The following DNAH10 variants were observed in gnomAD, a reference collection of about 807,000 sequenced individuals.
DNAH10 encodes dynein axonemal heavy chain 10.
In DNAH10, 348 loss-of-function variants were observed where a neutral mutation model predicts 506.6. That is an observed-to-expected ratio of 0.69 (90% CI 0.63 to 0.75). The LOEUF (loss-of-function observed/expected upper bound fraction) is 0.75, where lower values mean the gene tolerates loss of function less well. Among genes scored for constraint, DNAH10 ranks in the 30% least tolerant of loss-of-function variants. The pLI, the probability that DNAH10 is intolerant of heterozygous loss-of-function variation, is 0.00. For missense variants in DNAH10, 5,179 were observed against 5,787.1 expected (o/e 0.89, Z 3.41); for synonymous variants, 2,059 against 2,198.6 (o/e 0.94, Z 1.78).
Position 123,866,147 on chromosome 12 carries a change from T to C in DNAH10, c.7167+74T>C, listed in dbSNP as rs1226051420. ...AGTTGGATAACATAGTCCAGAGGGA[T>C]GTTTGTAGTTGAAGGCGATGACTTT... On this transcript the variant is annotated intron_variant, in intron 41 of 78. Coordinates refer to ENST00000673944, the MANE Select transcript of DNAH10 (RefSeq NM_001372106.1). The C allele has an allele frequency of 8.8e-6, 12 of 1,358,208 alleles. No individual in the cohort carries two copies. In the East Asian group the frequency reaches 3.1e-4, roughly 35 times the overall value. 84.1% of individuals were successfully genotyped at this position (1,358,208 alleles called of 1,614,324 possible). A position where few individuals can be genotyped will look rare whatever the true frequency, so the allele number is the denominator to read the frequency against.
chr12:123,828,669 ACTT>A (rs572004900), intron 25 of DNAH10, among the ~76,000 whole-genome samples: 58 of 152,118 alleles, frequency 3.8e-4, no homozygotes, highest in African/African-American at 1.4e-3. Context: ...TACCCAAGAG[ACTT>A]CCTCCTCTCC....
intron 23 of DNAH10, among the ~76,000 whole-genome samples, chr12:123,819,765 C>T (rs1338976274): frequency 7.2e-6 from 1 of 138,922 alleles, no homozygotes; most frequent in Non-Finnish European, 1.5e-5. Context: ...AGTGCAGTGG[C>T]ACAATCTCAG....
rs780499522 is a variant in DNAH10, at chr12:123,931,942, C to T, written c.13130C>T (p.Ala4377Val). 1 of 1,613,976 alleles carries T rather than the reference C, an allele frequency of 6.2e-7. No individual in the cohort carries two copies. The highest frequency in any genetic ancestry group is 8.5e-7 in the Non-Finnish European group (1 of 1,179,876). Residue 4377 changes from alanine to valine, a missense_variant and splice_region_variant, in exon 76 of 79, where the codon GCC becomes GTC. Coordinates refer to ENST00000673944, the MANE Select transcript of DNAH10 (RefSeq NM_001372106.1). ...CCGATTGCTCTTGATTCTAAATAGG[C>T]CTTGGCTGGAGAAGTTGGAATGAGC... ...MTKSLAELQR[A>V]LAGEVGMSNE...
intron 75 of DNAH10, 46 bp from the exon 76 acceptor site, chr12:123,931,895 T>C (rs905020393): frequency 5.6e-6 from 9 of 1,612,738 alleles, no homozygotes; most frequent in Non-Finnish European, 7.6e-6. Context: ...ACGTGGCACC[T>C]GGGGTTCTGA....
intron 62 of DNAH10, among the ~76,000 whole-genome samples, chr12:123,915,446 A>G (rs978182677): frequency 1.3e-5 from 2 of 152,158 alleles, no homozygotes; most frequent in Admixed American, 6.5e-5. Context: ...TTGTATACCA[A>G]TCACCAGAGT....
chr12:123,849,013 G>GT (rs1281847964), intron 34 of DNAH10, 131 bp downstream of exon 34: 2 of 1,176,316 alleles, frequency 1.7e-6, no homozygotes, highest in Non-Finnish European at 2.4e-6. Flanking sequence ...AGATCTGTTG[G>GT]TTTTTCCAAT....
rs143052054 is a variant in DNAH10 at position 123,804,876 on chromosome 12, C to A, written c.2823C>A (p.Ser941Arg). 1.3e-4 allele frequency: 202 copies of A among 1,613,014 alleles called. 1 individual carries two copies. In the African/African-American group the frequency reaches 2.6e-3, roughly 20 times the overall value. The change falls in exon 18 of 79, where the codon AGC (serine) becomes AGA (arginine). Residue 941 changes from serine to arginine, a missense_variant. Ser to Arg is a moderately radical substitution (Grantham distance 110). Coordinates refer to ENST00000673944, the MANE Select transcript of DNAH10 (RefSeq NM_001372106.1). ...FFEHIERERA[S>R]DVDHMVRWYL... ...AACACATTGAGCGAGAAAGGGCCAG[C>A]GACGTGGACCACATGGTCCGGTGGT...
At chr12:123,862,007 T>A (rs149282672) in intron 39 of DNAH10, among the ~76,000 whole-genome samples, 2 of 152,342 alleles carry the variant, frequency 1.3e-5, no homozygotes, top group South Asian at 4.2e-4. Flanking sequence ...GCCAACCGTT[T>A]TAGAGAATGG....
At chr12:123,817,099 CT>C (rs755698934) in intron 21 of DNAH10, among the ~76,000 whole-genome samples, 2,146 of 87,042 alleles carry the variant, frequency 0.025, 31 homozygotes, top group African/African-American at 0.077. Flanking sequence ...TCCAGTCTAA[CT>C]TTTTTTTTTT....
intron 32 of DNAH10, 125 bp from the exon 33 acceptor site, chr12:123,847,836 A>G: frequency 3.0e-6 from 4 of 1,312,378 alleles, no homozygotes; most frequent in Non-Finnish European, 4.1e-6. Flanking sequence ...TCAAGTTGAC[A>G]CATGAAAGCA....
intron 4 of DNAH10, 76 bp downstream of exon 4, chr12:123,773,018 G>C: frequency 2.0e-6 from 2 of 1,010,780 alleles, no homozygotes; most frequent in South Asian, 3.1e-5. Context: ...CTCTCATTCT[G>C]TTGTCTTTTT....
At chr12:123,860,943 G>A (rs1350102250) in intron 38 of DNAH10, 69 bp from the exon 39 acceptor site, 1 of 1,605,232 alleles carries the variant, frequency 6.2e-7, no homozygotes, top group Non-Finnish European at 8.5e-7. Flanking sequence ...TCCTCATAGA[G>A]GGAACCCAGA....
chr12:123,881,733 G>C lies in DNAH10; in HGVS notation c.8743G>C (p.Gly2915Arg). ...GCACCGTATCATCCGCATGGACCGC[G>C]GCCACGCCCTGCTGGTCGGGGTAGG... Reference protein sequence around the residue: ...RVHRIIRMDRGHALLVGVGGS... With the variant: ...RVHRIIRMDRRHALLVGVGGS... Residue 2915 changes from glycine (G) to arginine (R), a missense_variant, in exon 51 of 79, where the codon GGC (glycine) becomes CGC (arginine). Transcript: ENST00000673944. 1 of 1,547,874 alleles carries C rather than the reference G, an allele frequency of 6.5e-7. No homozygotes were observed. The highest frequency in any genetic ancestry group is 8.7e-7 in the Non-Finnish European group (1 of 1,145,506).
In DNAH10 at chr12:123,787,771, C is replaced by T; in HGVS notation, c.1422-33C>T. 1.9e-6 allele frequency: 3 copies of T among 1,602,276 alleles called. No homozygotes were observed. The highest frequency in any genetic ancestry group is 1.1e-5 in the South Asian group (1 of 89,052). On this transcript the variant is annotated intron_variant, in intron 9 of 78. Transcript: ENST00000673944. The surrounding 1 kb of genome is among the most constrained non-coding windows in gnomAD (Gnocchi z 4.6). ...TGCGGCTCGGACCCGGAGCTCCGCC[C>T]TCCTCCCATCACGGCATCTCTTGGC...
At chr12:123,793,483 C>T (rs111701161) in intron 11 of DNAH10, among the ~76,000 whole-genome samples, 9,449 of 151,960 alleles carry the variant, frequency 0.062, 325 homozygotes, top group Middle Eastern at 0.068. Flanking sequence ...GGACTACAGG[C>T]GCCCACCACC....
Position 123,875,322 on chromosome 12 carries a change from G to A in DNAH10, c.8030G>A (p.Cys2677Tyr). ...YLYDRGKELN[C>Y]KSIRDLGFIA... ...TATGACCGTGGGAAGGAGCTGAACT[G>A]TAAAAGCATTCGAGACCTTGGCTTT... is the stretch of plus-strand genomic sequence containing the variant. Residue 2677 changes from cysteine (C) to tyrosine (Y), a missense_variant, in exon 47 of 79, where the codon TGT (cysteine) becomes TAT (tyrosine). Around this residue, in one of 3 missense-constraint regions of DNAH10, gnomAD observed 4,844 missense variants for 5,430.5 expected, o/e 0.89. Coordinates refer to ENST00000673944, the MANE Select transcript of DNAH10 (RefSeq NM_001372106.1). The A allele has an allele frequency of 6.2e-7, 1 of 1,613,828 alleles. No homozygotes were observed.
At chr12:123,800,163 C>A in intron 14 of DNAH10, 53 bp from the exon 15 acceptor site, 2 of 1,570,242 alleles carry the variant, frequency 1.3e-6, no homozygotes, top group South Asian at 1.2e-5. Context: ...TTGTGTTGAT[C>A]CAACTGTCTC....
In DNAH10 at chr12:123,908,405, G is replaced by A. The variant is rs572487630; in HGVS notation, c.9816-856G>A. 166 of 456,000 alleles carry A rather than the reference G, an allele frequency of 3.6e-4. 1 individual carries two copies. Among genetic ancestry groups the A allele is most frequent in the South Asian group, 2.1e-3 (137 of 64,546 alleles). The allele number at this position is 456,000 out of a possible 1,614,324, so 28.2% of individuals were successfully genotyped here. A position where few individuals can be genotyped will look rare whatever the true frequency, so the allele number is the denominator to read the frequency against. The stretch of plus-strand genomic sequence containing the variant: ...CCCCCACACTGCATCCATGCCCTCC[G>A]GGACCTCTGTCTCCTGCTCTTCTCT... On this transcript the variant is annotated intron_variant, in intron 57 of 78. Coordinates refer to ENST00000673944, the MANE Select transcript of DNAH10 (RefSeq NM_001372106.1).
chr12:123,930,533 C>T lies in DNAH10; in HGVS notation c.12744C>T (p.Asp4248=). 1.2e-6 allele frequency: 2 copies of T among 1,605,250 alleles called. No individual in the cohort carries two copies. The highest frequency in any genetic ancestry group is 1.7e-6 in the Non-Finnish European group (2 of 1,177,698). The change falls in exon 73 of 79, where the codon GAC becomes GAT. Residue 4248 remains aspartate (D), a synonymous_variant. Transcript: ENST00000673944. ...ACTTCTTCCGGAACAAGGAAGTGGA[C>T]TACAAAATCCCTGTTGGTGATGAAA... is the stretch of plus-strand genomic sequence containing the variant. ...PFHFFRNKEV[D]YKIPVGDEKE...
Sources: allele counts gnomAD v4.1 joint callset (sites outside exome capture counted in the v4.1 genomes callset), GRCh38; gene constraint gnomAD v4.1.1; regional missense constraint gnomAD v4.1.1; non-coding constraint Gnocchi (gnomAD v3.1); transcripts MANE v1.5; gene names NCBI Gene and HGNC (gene_info 2026-07-23, HGNC 2026-07-21).